Variants in SEMA3A observed in about 807,000 individuals in gnomAD.
SEMA3A encodes semaphorin-3A.
SEMA3A carries 29 observed loss-of-function variants against 97.9 expected under a neutral mutation model. The observed-to-expected ratio is 0.30, with a 90% CI of 0.22 to 0.40. SEMA3A has a LOEUF of 0.40. SEMA3A is among the 10% of genes least tolerant of loss of function. SEMA3A has a pLI of 1.00. For missense variants in SEMA3A, 763 were observed against 951.3 expected, an observed-to-expected ratio of 0.80 and a Z score of 2.60; for synonymous variants, 321 against 323.7, an observed-to-expected ratio of 0.99 and a Z score of 0.09.
intron 6 of SEMA3A, among the ~76,000 whole-genome samples, chr7:84,038,223 T>C (rs2116480252): frequency 6.6e-6 from 1 of 150,426 alleles, no homozygotes; most frequent in East Asian, 2.1e-4. Flanking sequence ...GGAAAGGACA[T>C]AGATCACTAT....
rs559961307 is a variant in SEMA3A at position 84,408,137 on chromosome 7, T to A, written c.-245-36237A>T. Among the ~76,000 whole-genome samples, 13 of 152,210 alleles carry A rather than the reference T, an allele frequency of 8.5e-5. No homozygotes were observed. The East Asian group carries it at 2.5e-3, about 29-fold the overall frequency. ...CAGAATGGGAGAAAATTTTGCAACC[T>A]ACTCATCTGACAAAGGGCTAATATC... is the stretch of plus-strand genomic sequence containing the variant. On this transcript the variant is annotated intron_variant, in intron 1 of 3. Transcript: ENST00000424555.
chr7:84,238,140 C>T (rs1234698212), intron 3 of SEMA3A, among the ~76,000 whole-genome samples: 1 of 151,934 alleles, frequency 6.6e-6, no homozygotes, highest in East Asian at 1.9e-4. Context: ...GATCTTGGCT[C>T]ACAGCAACCT....
intron 12 of SEMA3A, among the ~76,000 whole-genome samples, chr7:83,994,221 A>G (rs1790102150): frequency 1.1e-5 from 1 of 94,418 alleles, no homozygotes; most frequent in Admixed American, 1.2e-4. Flanking sequence ...ATTCTTCTAA[A>G]TTTTTTGCAA....
intron 1 of SEMA3A, among the ~76,000 whole-genome samples, chr7:84,457,667 G>A (rs1805719879): frequency 6.6e-6 from 1 of 151,856 alleles, no homozygotes; most frequent in South Asian, 2.1e-4. Context: ...TTTACTGAAT[G>A]TAACATGATG....
At chr7:84,443,152 T>A (rs918264204) in intron 1 of SEMA3A, among the ~76,000 whole-genome samples, 2 of 152,108 alleles carry the variant, frequency 1.3e-5, no homozygotes, top group African/African-American at 4.8e-5. Context: ...TATTCAACAC[T>A]ATCCAACAAT....
chr7:84,087,985 CCT>C (rs1794432708), intron 4 of SEMA3A, among the ~76,000 whole-genome samples: 2 of 151,990 alleles, frequency 1.3e-5, no homozygotes, highest in African/African-American at 4.8e-5. Flanking sequence ...ATTAAATATC[CCT>C]GTTTTAGGGA....
At chr7:84,253,892 C>T (rs556925594) in intron 3 of SEMA3A, among the ~76,000 whole-genome samples, 1 of 152,032 alleles carries the variant, frequency 6.6e-6, no homozygotes, top group African/African-American at 2.4e-5. Flanking sequence ...GGTGGAAGCA[C>T]GGAGATGCTA....
chr7:84,407,431 G>A (rs1031350936), intron 1 of SEMA3A, among the ~76,000 whole-genome samples: 117 of 152,130 alleles, frequency 7.7e-4, no homozygotes, highest in African/African-American at 1.1e-3. Context: ...ATGCTCATGG[G>A]TAGGAAGAAT....
intron 1 of SEMA3A, among the ~76,000 whole-genome samples, chr7:84,187,468 T>C (rs1797921407): frequency 6.6e-6 from 1 of 152,134 alleles, no homozygotes; most frequent in Non-Finnish European, 1.5e-5. Context: ...ATATTTATTG[T>C]ATGTTTCCTA....
At chr7:84,335,132 A>C (rs1802006050) in intron 2 of SEMA3A, among the ~76,000 whole-genome samples, 1 of 151,990 alleles carries the variant, frequency 6.6e-6, no homozygotes, top group South Asian at 2.1e-4. Flanking sequence ...GGGAGGATAA[A>C]CTCTCTAAAT....
intron 3 of SEMA3A, among the ~76,000 whole-genome samples, chr7:84,219,147 C>T (rs1285270813): frequency 2.6e-5 from 4 of 152,130 alleles, no homozygotes; most frequent in South Asian, 4.2e-4. Context: ...ACAAAAAAAT[C>T]ATCTTCAATA....
intron 4 of SEMA3A, among the ~76,000 whole-genome samples, chr7:84,063,032 G>T (rs1207509626): frequency 7.2e-5 from 11 of 152,010 alleles, no homozygotes; most frequent in Admixed American, 3.9e-4. Context: ...TGACAGCTTT[G>T]AAGAGAGCAG....
At chr7:84,358,440 T>G (rs531837845) in intron 2 of SEMA3A, among the ~76,000 whole-genome samples, 26 of 152,302 alleles carry the variant, frequency 1.7e-4, no homozygotes, top group African/African-American at 6.0e-4. Context: ...AAAGATCAGA[T>G]AGTTGTCAAT....
chr7:84,241,425 A>G (rs1799362473), intron 3 of SEMA3A, among the ~76,000 whole-genome samples: 1 of 152,096 alleles, frequency 6.6e-6, no homozygotes, highest in African/African-American at 2.4e-5. Flanking sequence ...GTCTGCTCAT[A>G]TCCTTGGCTC....
At chr7:84,135,022 G>T in intron 1 of SEMA3A, 71 bp from the exon 2 acceptor site, 1 of 1,266,940 alleles carries the variant, frequency 7.9e-7, no homozygotes, top group South Asian at 1.4e-5. Flanking sequence ...GTTGGTACAT[G>T]GTAACCTGAC....
intron 4 of SEMA3A, among the ~76,000 whole-genome samples, chr7:84,075,176 C>CTTT (rs201373532): frequency 2.1e-5 from 3 of 139,736 alleles, no homozygotes; most frequent in East Asian, 2.1e-4. Context: ...TTGACTTCAA[C>CTTT]TTTTTTTTTT....
chr7:84,014,606 G>GGT (rs1791019531), intron 6 of SEMA3A, among the ~76,000 whole-genome samples: 1 of 151,604 alleles, frequency 6.6e-6, no homozygotes, highest in African/African-American at 2.4e-5. Context: ...AAATCTTTAG[G>GGT]GTGATCATAC....
intron 3 of SEMA3A, among the ~76,000 whole-genome samples, chr7:84,203,500 G>GTATATATATATA (rs1554345503): frequency 6.7e-5 from 5 of 74,652 alleles, no homozygotes; most frequent in African/African-American, 1.7e-4. Context: ...CTTTGTGTGT[G>GTATATATATATA]TGTATATATA....
chr7:84,417,213 T>C (rs1804460871), intron 1 of SEMA3A, among the ~76,000 whole-genome samples: 1 of 152,066 alleles, frequency 6.6e-6, no homozygotes, highest in Non-Finnish European at 1.5e-5. Context: ...ATTTCAGATA[T>C]TCTGTGCATA....
Sources: gnomAD v4.1 joint callset for allele counts (sites outside exome capture counted in the v4.1 genomes callset) on GRCh38, gnomAD v4.1.1 for gene constraint, MANE v1.5 for transcripts, NCBI Gene and HGNC (gene_info 2026-07-23, HGNC 2026-07-21) for gene names.